Variants in CRPPA observed in about 807,000 individuals in gnomAD.
CRPPA encodes CDP-L-ribitol pyrophosphorylase A, also known as D-ribitol-5-phosphate cytidylyltransferase.
Under a neutral mutation model 52.0 loss-of-function variants are expected in CRPPA, and 43 were observed. The ratio of observed to expected loss-of-function variants is 0.83; its 90% CI spans 0.65 to 1.07. The LOEUF is 1.07. Among genes scored for constraint, CRPPA ranks in the 50% least tolerant of loss-of-function variants. The pLI, the probability that CRPPA is intolerant of heterozygous loss-of-function variation, is 0.00. For synonymous variants in CRPPA, 250 were observed against 203.5 expected (o/e 1.23, Z -1.94); for missense variants, 629 against 551.7 (o/e 1.14, Z -1.40).
intron 9 of CRPPA, among the ~76,000 whole-genome samples, chr7:16,207,106 A>G (rs1053688455): frequency 1.4e-4 from 21 of 152,190 alleles, no homozygotes; most frequent in African/African-American, 4.8e-4. Flanking sequence ...CTCAGAGACT[A>G]TAAACACATG....
intron 5 of CRPPA, among the ~76,000 whole-genome samples, chr7:16,287,446 A>T (rs1425262570): frequency 1.3e-5 from 2 of 152,188 alleles, no homozygotes; most frequent in Non-Finnish European, 2.9e-5. Context: ...CAGGCTCTGT[A>T]CTAGGATCAT....
chr7:16,114,891 T>C (rs1782339843), intron 9 of CRPPA, among the ~76,000 whole-genome samples: 1 of 152,024 alleles, frequency 6.6e-6, no homozygotes, highest in South Asian at 2.1e-4. Context: ...AAGAGAGAAC[T>C]TAATAAATGT....
intron 1 of CRPPA, among the ~76,000 whole-genome samples, chr7:16,409,224 C>T (rs10256679): frequency 0.12 from 17,874 of 152,068 alleles, 1,346 homozygotes; most frequent in East Asian, 0.25. Context: ...TAGAGAAAGG[C>T]GAGGAAATGG....
chr7:16,404,397 G>A (rs1252801040), intron 2 of CRPPA, among the ~76,000 whole-genome samples: 1 of 152,032 alleles, frequency 6.6e-6, no homozygotes, highest in Non-Finnish European at 1.5e-5. Context: ...ATTTTAATAT[G>A]TTCTATTAAA....
intron 3 of CRPPA, among the ~76,000 whole-genome samples, chr7:16,374,578 T>A (rs1214729469): frequency 6.6e-6 from 1 of 152,226 alleles, no homozygotes. Context: ...ATGTATTTTC[T>A]GCATGCATTC....
At chr7:16,206,749 C>T (rs6461231) in intron 9 of CRPPA, among the ~76,000 whole-genome samples, 109,756 of 152,004 alleles carry the variant, frequency 0.72, 39,854 homozygotes, top group Admixed American at 0.79. Flanking sequence ...AAAAGCATAA[C>T]AATCATGAAT....
intron 2 of CRPPA, among the ~76,000 whole-genome samples, chr7:16,398,985 G>A (rs1295140240): frequency 1.3e-5 from 2 of 152,202 alleles, no homozygotes; most frequent in Non-Finnish European, 2.9e-5. Flanking sequence ...CCCATGGCCG[G>A]AATGTGATTG....
chr7:16,399,739 T>C (rs7801162), intron 2 of CRPPA, among the ~76,000 whole-genome samples: 28,759 of 152,074 alleles, frequency 0.19, 4,257 homozygotes, highest in African/African-American at 0.4. Flanking sequence ...ATGATTGACA[T>C]GTAACTGACA....
intron 3 of CRPPA, among the ~76,000 whole-genome samples, chr7:16,364,063 C>A (rs532981637): frequency 3.5e-4 from 53 of 152,222 alleles, no homozygotes; most frequent in African/African-American, 1.3e-3. Flanking sequence ...AATTTAAAGA[C>A]ATCAACTTAA....
At chr7:16,143,756 G>A (rs1782918808) in intron 9 of CRPPA, among the ~76,000 whole-genome samples, 3 of 152,228 alleles carry the variant, frequency 2.0e-5, no homozygotes, top group African/African-American at 4.8e-5. Flanking sequence ...GTAAAATGCA[G>A]GGCAATTTTC....
chr7:16,224,726 G>A (rs575286277), intron 8 of CRPPA, among the ~76,000 whole-genome samples: 1 of 152,030 alleles, frequency 6.6e-6, no homozygotes, highest in African/African-American at 2.4e-5. Context: ...AAAAACTGAT[G>A]ACACCAGCCG....
intron 3 of CRPPA, among the ~76,000 whole-genome samples, chr7:16,334,390 G>C (rs1046060604): frequency 2.6e-5 from 4 of 152,072 alleles, no homozygotes; most frequent in African/African-American, 9.7e-5. Flanking sequence ...ACCCATAGAG[G>C]GAGAATCTGG....
At chr7:16,111,197 C>T (rs1782256752) in intron 9 of CRPPA, among the ~76,000 whole-genome samples, 1 of 152,034 alleles carries the variant, frequency 6.6e-6, no homozygotes, top group South Asian at 2.1e-4. Context: ...TCCGTAATCA[C>T]TAGAGAAATG....
chr7:16,146,743 A>G (rs1392540742), intron 9 of CRPPA, among the ~76,000 whole-genome samples: 1 of 151,902 alleles, frequency 6.6e-6, no homozygotes, highest in Non-Finnish European at 1.5e-5. Context: ...GGTAATCACA[A>G]AGATAAAATG....
intron 6 of CRPPA, 106 bp downstream of exon 6, chr7:16,278,023 A>G: frequency 1.5e-6 from 1 of 682,932 alleles, no homozygotes; most frequent in East Asian, 2.7e-5. Context: ...TAATAAGAAC[A>G]TTATGATTAA....
At chr7:16,105,298 A>G (rs932021892) in intron 9 of CRPPA, among the ~76,000 whole-genome samples, 1 of 152,208 alleles carries the variant, frequency 6.6e-6, no homozygotes, top group African/African-American at 2.4e-5. Flanking sequence ...AGTTACAATG[A>G]GAAAGGTAAG....
At position 16,286,035 on chromosome 7, in the gene CRPPA, AAAAATATAAATATATAT is replaced by A. The variant is rs1784424333; in HGVS notation, c.836-7826_836-7810del. Among the ~76,000 whole-genome samples the A allele has an allele frequency of 2.7e-4, 5 of 18,802 alleles. 1 individual carries two copies. Among genetic ancestry groups the A allele is most frequent in the Non-Finnish European group, 3.9e-4 (4 of 10,136 alleles). 12.3% of individuals were successfully genotyped at this position (18,802 alleles called of 152,430 possible). ...AACTCCATCTCAAAAAAAAAAAAAA[AAAAATATAAATATATAT>A]ATATATATATATATATATATATATA... On this transcript the variant is annotated intron_variant, in intron 5 of 9. Transcript: ENST00000407010.
chr7:16,324,602 T>C (rs933189286), intron 3 of CRPPA, among the ~76,000 whole-genome samples: 9 of 152,188 alleles, frequency 5.9e-5, no homozygotes, highest in African/African-American at 1.9e-4. Context: ...CTTGCCACCT[T>C]GAAGGCACCT....
intron 9 of CRPPA, among the ~76,000 whole-genome samples, chr7:16,180,265 C>T (rs73304825): frequency 0.015 from 2,232 of 152,012 alleles, 48 homozygotes; most frequent in African/African-American, 0.049. Context: ...TGTTAAAAGC[C>T]CTTTTGGTAA....
Sources: gnomAD v4.1 joint callset for allele counts (sites outside exome capture counted in the v4.1 genomes callset) on GRCh38, gnomAD v4.1.1 for gene constraint, MANE v1.5 for transcripts, NCBI Gene and HGNC (gene_info 2026-07-23, HGNC 2026-07-21) for gene names.